Variants in GORASP1 observed in about 807,000 individuals in gnomAD.
GORASP1 encodes the protein golgi reassembly stacking protein 1, also known as Golgi reassembly-stacking protein 1.
Under a neutral mutation model 37.7 loss-of-function variants are expected in GORASP1, and 31 were observed. That is an observed-to-expected ratio of 0.82 (90% CI 0.62 to 1.11). The LOEUF is 1.11. Ranked by LOEUF, GORASP1 falls within the 50% of genes least tolerant of loss-of-function variation. The probability of loss-of-function intolerance (pLI) is 0.00; values close to 1 mark genes in which losing one functional copy is unlikely to be tolerated. For synonymous variants in GORASP1, 204 were observed against 224.8 expected (o/e 0.91, Z 0.83); for missense variants, 476 against 560.7 (o/e 0.85, Z 1.53).
intron 1 of GORASP1, 199 bp downstream of exon 1, chr3:39,107,280 G>C (rs937783074): frequency 1.5e-4 from 75 of 504,952 alleles, no homozygotes; most frequent in South Asian, 4.5e-4. Context: ...CCGCGGCCGC[G>C]GACTAGCCAG....
Position 39,103,307 on chromosome 3 carries a change from G to C in GORASP1, c.144+166C>G, listed in dbSNP as rs1282358542. ...GAGCTCAGAAGCTGAGCACTGGGCA[G>C]GGCCCCAGTCAGGCTCTGAGTACAG... On this transcript the variant is annotated intron_variant, in intron 2 of 8. Transcript: ENST00000319283. This position sits in a 1 kb window ranked among gnomAD's most constrained non-coding sequence, Gnocchi z 5.2. The C allele has an allele frequency of 5.0e-6, 3 of 606,040 alleles. No individual in the cohort carries two copies. Among genetic ancestry groups the C allele is most frequent in the Non-Finnish European group, 8.7e-6 (3 of 343,172 alleles). The allele number at this position is 606,040 out of a possible 1,614,324, so 37.5% of individuals were successfully genotyped here.
In GORASP1 at chr3:39,098,592, G is replaced by T; in HGVS notation, c.1070-103C>A. On this transcript the variant is annotated intron_variant, in intron 8 of 8. Transcript: ENST00000319283. This position sits in a 1 kb window ranked among gnomAD's most constrained non-coding sequence, Gnocchi z 4.7. ...CGCTCCCCATTGCCACTCCAGGTTT[G>T]ATGGGGGATTGGAGATGGAGTGTAC... 1 of 1,505,462 alleles carries T rather than the reference G, an allele frequency of 6.6e-7. No individual in the cohort carries two copies. The highest frequency in any genetic ancestry group is 9.0e-7 in the Non-Finnish European group (1 of 1,113,778). 93.3% of individuals were successfully genotyped at this position (1,505,462 alleles called of 1,614,324 possible).
chr3:39,098,799 A>G lies in GORASP1; in HGVS notation c.1011T>C (p.Ala337=), dbSNP rs1009609654. The stretch of plus-strand genomic sequence containing the variant: ...TGTCCTCTGGCCCTGAGGTTGAGAC[A>G]GCTGTGGTGGTCAGTTCTGTGGAAG... The part of the protein sequence containing the change: ...LPSSTELTTT[A]VSTSGPEDIC... The change falls in exon 8 of 9, where the codon GCT becomes GCC. Residue 337 remains alanine (A), a synonymous_variant. Transcript: ENST00000319283. This position sits in a 1 kb window ranked among gnomAD's most constrained non-coding sequence, Gnocchi z 4.7. 1.9e-6 allele frequency: 3 copies of G among 1,614,064 alleles called. No individual in the cohort carries two copies. Among genetic ancestry groups the G allele is most frequent in the Non-Finnish European group, 2.5e-6 (3 of 1,180,012 alleles).
At position 39,100,717 on chromosome 3, in the gene GORASP1, G is replaced by A; in HGVS notation, c.566+30C>T. ...CCAATGGTCAGGCCCCACCCACCTG[G>A]CCCTGCAGCCCTCCAACCCCACGAA... On this transcript the variant is annotated intron_variant, in intron 5 of 8. Coordinates refer to ENST00000319283, the MANE Select transcript of GORASP1 (RefSeq NM_031899.4). The surrounding 1 kb of genome is among the most constrained non-coding windows in gnomAD (Gnocchi z 4.6). The A allele has an allele frequency of 1.2e-6, 2 of 1,610,214 alleles. No homozygotes were observed. Among genetic ancestry groups the A allele is most frequent in the Non-Finnish European group, 1.7e-6 (2 of 1,179,052 alleles).
Position 39,100,355 on chromosome 3 carries a change from CG to C in GORASP1, c.714del (p.Glu239ArgfsTer95). The C allele has an allele frequency of 6.2e-7, 1 of 1,614,124 alleles. No individual in the cohort carries two copies. Among genetic ancestry groups the C allele is most frequent in the Admixed American group, 1.7e-5 (1 of 60,012 alleles). ...PPDALPPGPT[P>X]EDSPSLETGS... is the part of the protein sequence containing the mutation. ...CCTGTCTCCAGGGAAGGAGAGTCCTCGGGGGTGGGTCCAGGTGGTAGAGCAT... is the reference window on the plus strand; with the variant it reads ...CCTGTCTCCAGGGAAGGAGAGTCCTCGGGGTGGGTCCAGGTGGTAGAGCAT... On this transcript the variant is annotated frameshift_variant, in exon 6 of 9. Coordinates refer to ENST00000319283, the MANE Select transcript of GORASP1 (RefSeq NM_031899.4). LOFTEE classifies it high-confidence loss of function. This position sits in a 1 kb window ranked among gnomAD's most constrained non-coding sequence, Gnocchi z 4.6.
chr3:39,100,701 AG>A lies in GORASP1; in HGVS notation c.566+45del. The stretch of plus-strand genomic sequence containing the variant: ...ACTCTGAGGTCCATGCCCAATGGTC[AG>A]GCCCCACCCACCTGGCCCTGCAGCC... On this transcript the variant is annotated intron_variant, in intron 5 of 8. Transcript: ENST00000319283. The surrounding 1 kb of genome is among the most constrained non-coding windows in gnomAD (Gnocchi z 4.6). The A allele has an allele frequency of 2.5e-6, 4 of 1,604,944 alleles. No homozygotes were observed. The highest frequency in any genetic ancestry group is 3.4e-6 in the Non-Finnish European group (4 of 1,176,556).
At position 39,099,403 on chromosome 3, in the gene GORASP1, A is replaced by C. The variant is rs771912509; in HGVS notation, c.866T>G (p.Met289Arg). Residue 289 changes from methionine (M) to arginine (R), a missense_variant, in exon 7 of 9, where the codon ATG becomes AGG. Transcript: ENST00000319283. ...AGGTGGGGGCTGAAGAGGAGTCTCC[A>C]TGAAATGGGGAAGTCCATCAGGGTC... The part of the protein sequence containing the change: ...APDPDGLPHF[M>R]ETPLQPPPPV... 1.2e-6 allele frequency: 2 copies of C among 1,613,482 alleles called. No individual in the cohort carries two copies. Among genetic ancestry groups the C allele is most frequent in the Non-Finnish European group, 1.7e-6 (2 of 1,179,754 alleles).
rs536059363 is a variant in GORASP1 at position 39,104,228 on chromosome 3, C to G, written c.64-675G>C. On this transcript the variant is annotated intron_variant, in intron 1 of 8. Transcript: ENST00000319283. Reference sequence around the variant, plus strand: ...ACTGAGGAGCCCCCCAGTGGCTCAGCTGCCCTACCAGCCTCATAGTGTAGC... The same window carrying G: ...ACTGAGGAGCCCCCCAGTGGCTCAGGTGCCCTACCAGCCTCATAGTGTAGC... 3.3e-4 allele frequency among the ~76,000 whole-genome samples: 51 copies of G among 152,312 alleles called. No individual in the cohort carries two copies. In the South Asian group the frequency reaches 6.4e-3, roughly 19 times the overall value.
chr3:39,100,579 C>T lies in GORASP1; in HGVS notation c.567-76G>A. 1 of 1,485,866 alleles carries T rather than the reference C, an allele frequency of 6.7e-7. No individual in the cohort carries two copies. The highest frequency in any genetic ancestry group is 9.1e-7 in the Non-Finnish European group (1 of 1,104,092). The allele number at this position is 1,485,866 out of a possible 1,614,324, so 92.0% of individuals were successfully genotyped here. ...CTACCTTTGCTATCCCCACCTACTA[C>T]CAGCAATAAGGGGGCTGAAAAGGGT... On this transcript the variant is annotated intron_variant, in intron 5 of 8. Coordinates refer to ENST00000319283, the MANE Select transcript of GORASP1 (RefSeq NM_031899.4). This position sits in a 1 kb window ranked among gnomAD's most constrained non-coding sequence, Gnocchi z 4.6.
rs891376406 is a variant in GORASP1 at position 39,103,616 on chromosome 3, C to T, written c.64-63G>A. The T allele has an allele frequency of 1.1e-5, 15 of 1,323,700 alleles. No homozygotes were observed. The Admixed American group carries it at 3.0e-4, about 26-fold the overall frequency. 82.0% of individuals were successfully genotyped at this position (1,323,700 alleles called of 1,614,324 possible). A position where few individuals can be genotyped will look rare whatever the true frequency, so the allele number is the denominator to read the frequency against. ...CTGGGACTCTCCAAGTAGCCCTCTC[C>T]CCCATTTCAGGAACCATCAGCACTC... is the stretch of plus-strand genomic sequence containing the variant. On this transcript the variant is annotated intron_variant, in intron 1 of 8. Transcript: ENST00000319283. The surrounding 1 kb of genome is among the most constrained non-coding windows in gnomAD (Gnocchi z 5.2).
chr3:39,100,541 C>A lies in GORASP1; in HGVS notation c.567-38G>T. On this transcript the variant is annotated intron_variant, in intron 5 of 8. Transcript: ENST00000319283. The surrounding 1 kb of genome is among the most constrained non-coding windows in gnomAD (Gnocchi z 4.6). ...AGAAACATTCAATCCAGGGGCTTGT[C>A]CCACGGCCCTCCCTACCTTTGCTAT... The A allele has an allele frequency of 6.6e-7, 1 of 1,526,116 alleles. No homozygotes were observed. 94.5% of individuals were successfully genotyped at this position (1,526,116 alleles called of 1,614,324 possible).
chr3:39,098,975 G>A lies in GORASP1; in HGVS notation c.917-82C>T. 2 of 1,553,592 alleles carry A rather than the reference G, an allele frequency of 1.3e-6. No homozygotes were observed. The highest frequency in any genetic ancestry group is 2.4e-5 in the South Asian group (2 of 85,094). ...GCACCCTGGGCTCACCTTGCCTAGGGCATCTGGCCCAGCCTGTGAGACTGT... is the reference window on the plus strand; with the variant it reads ...GCACCCTGGGCTCACCTTGCCTAGGACATCTGGCCCAGCCTGTGAGACTGT... On this transcript the variant is annotated intron_variant, in intron 7 of 8. Transcript: ENST00000319283. The surrounding 1 kb of genome is among the most constrained non-coding windows in gnomAD (Gnocchi z 4.7).
In GORASP1 at chr3:39,107,606, A is replaced by C. The variant is rs534475764; in HGVS notation, c.-65T>G. ...CGCCTACCCGGACCGACCCGACGCC[A>C]GTAGCACCGACTCGCTCTCTCGGCG... On this transcript the variant is annotated 5_prime_UTR_variant, in exon 1 of 9. Coordinates refer to ENST00000319283, the MANE Select transcript of GORASP1 (RefSeq NM_031899.4). 4.2e-5 allele frequency: 59 copies of C among 1,407,320 alleles called. No individual in the cohort carries two copies. 87.2% of individuals were successfully genotyped at this position (1,407,320 alleles called of 1,614,324 possible).
chr3:39,104,456 C>A (rs995440943), intron 1 of GORASP1, among the ~76,000 whole-genome samples: 1 of 152,188 alleles, frequency 6.6e-6, no homozygotes, highest in East Asian at 1.9e-4. Flanking sequence ...GGCCCTAGAC[C>A]CGAAGATGGG....
intron 1 of GORASP1, chr3:39,107,015 G>A: frequency 2.2e-6 from 1 of 454,830 alleles, no homozygotes; most frequent in South Asian, 1.6e-5. Flanking sequence ...GCGCGCCGAC[G>A]GGCTCCCCCG....
At position 39,104,169 on chromosome 3, in the gene GORASP1, G is replaced by A. The variant is rs116429975; in HGVS notation, c.64-616C>T. On this transcript the variant is annotated intron_variant, in intron 1 of 8. Transcript: ENST00000319283. ...AGGCCTGAGCCAGGGAGCCCAGTGA[G>A]TGGGCAGTGCCAATCCCCACAGCCT... 3.8e-3 allele frequency among the ~76,000 whole-genome samples: 582 copies of A among 152,318 alleles called. 6 individuals are homozygous for A. The highest frequency in any genetic ancestry group is 0.013 in the African/African-American group (555 of 41,574).
Position 39,100,830 on chromosome 3 carries a change from C to A in GORASP1, c.483G>T (p.Leu161Phe). ...TLIESHEGKP[L>F]KLMVYNSKSD... ...ACTTGGAGTTATACACCATCAGCTT[C>A]AAGGGCTTCCCCTCATGAGACTCGA... is the stretch of plus-strand genomic sequence containing the variant. The change falls in exon 5 of 9, where the codon TTG becomes TTT. Residue 161 changes from leucine (L) to phenylalanine (F), a missense_variant. Physicochemically the swap from Leu to Phe is conservative, Grantham distance 22. Coordinates refer to ENST00000319283, the MANE Select transcript of GORASP1 (RefSeq NM_031899.4). The surrounding 1 kb of genome is among the most constrained non-coding windows in gnomAD (Gnocchi z 4.6). The A allele has an allele frequency of 6.2e-7, 1 of 1,614,194 alleles. No homozygotes were observed. Among genetic ancestry groups the A allele is most frequent in the Non-Finnish European group, 8.5e-7 (1 of 1,180,000 alleles).
At chr3:39,104,748 AC>A (rs2035932740) in intron 1 of GORASP1, among the ~76,000 whole-genome samples, 1 of 152,068 alleles carries the variant, frequency 6.6e-6, no homozygotes, top group South Asian at 2.1e-4. Context: ...CCTCCTTATC[AC>A]CTCCAGAAGC....
Position 39,097,450 on chromosome 3 carries a change from G to A in GORASP1, c.*786C>T, listed in dbSNP as rs539778814. ...TCTAATCCCCTAATTCCCCCTTGGG[G>A]TTGGGAACCGTGCGTGGATAGACCT... is the stretch of plus-strand genomic sequence containing the variant. On this transcript the variant is annotated 3_prime_UTR_variant, in exon 9 of 9. Coordinates refer to ENST00000319283, the MANE Select transcript of GORASP1 (RefSeq NM_031899.4). 6.6e-6 allele frequency: 1 copy of A among 152,380 alleles called. No individual in the cohort carries two copies. The highest frequency in any genetic ancestry group is 2.1e-4 in the South Asian group (1 of 4,830). The allele number at this position is 152,380 out of a possible 1,614,324, so 9.4% of individuals were successfully genotyped here. A position where few individuals can be genotyped will look rare whatever the true frequency, so the allele number is the denominator to read the frequency against.
Sources: allele counts gnomAD v4.1 joint callset (sites outside exome capture counted in the v4.1 genomes callset), GRCh38; gene constraint gnomAD v4.1.1; non-coding constraint Gnocchi (gnomAD v3.1); transcripts MANE v1.5; gene names NCBI Gene and HGNC (gene_info 2026-07-23, HGNC 2026-07-21).